PHACTR3: variants seen among roughly 807,000 people sequenced by gnomAD.
PHACTR3 encodes phosphatase and actin regulator 3.
In PHACTR3, 16 loss-of-function variants were observed where a neutral mutation model predicts 66.8. That is an observed-to-expected ratio of 0.24 (90% CI 0.16 to 0.36). The LOEUF is 0.36. PHACTR3 is among the 10% of genes least tolerant of loss of function. PHACTR3 has a pLI of 1.00. For synonymous variants in PHACTR3, 323 were observed against 292.1 expected (o/e 1.11, Z -1.08); for missense variants, 647 against 719.9 (o/e 0.90, Z 1.16).
chr20:59,601,615 G>A (rs1402619331), upstream of PHACTR3, among the ~76,000 whole-genome samples: 1 of 152,248 alleles, frequency 6.6e-6, no homozygotes, highest in East Asian at 1.9e-4. Flanking sequence ...GTCATGGTCT[G>A]GAGATGACCG....
intron 8 of PHACTR3, among the ~76,000 whole-genome samples, chr20:59,812,555 A>G (rs1357729172): frequency 6.6e-6 from 1 of 152,198 alleles, no homozygotes; most frequent in African/African-American, 2.4e-5. Context: ...AAATGTGGAG[A>G]CAGACAGTGT....
At chr20:59,833,392 G>A (rs1018088224) in intron 8 of PHACTR3, among the ~76,000 whole-genome samples, 1 of 152,328 alleles carries the variant, frequency 6.6e-6, no homozygotes, top group South Asian at 2.1e-4. Flanking sequence ...CATGGTCCGC[G>A]ATCAGCTGGC....
At chr20:59,677,613 A>G (rs1304026910) in intron 1 of PHACTR3, among the ~76,000 whole-genome samples, 1 of 152,096 alleles carries the variant, frequency 6.6e-6, no homozygotes, top group African/African-American at 2.4e-5. Flanking sequence ...CCCAGTGGAA[A>G]ATGGCGATTC....
intron 1 of PHACTR3, among the ~76,000 whole-genome samples, chr20:59,699,534 C>T (rs8118456): frequency 0.011 from 1,747 of 152,152 alleles, 39 homozygotes; most frequent in African/African-American, 0.04. Context: ...TTCTTTCTAC[C>T]CCCTTTCTCC....
At chr20:59,652,113 A>G (rs561885053) in intron 1 of PHACTR3, among the ~76,000 whole-genome samples, 1 of 152,286 alleles carries the variant, frequency 6.6e-6, no homozygotes, top group Non-Finnish European at 1.5e-5. Context: ...TAGCTCAAGC[A>G]GGCAGACAGG....
chr20:59,773,439 G>A lies in PHACTR3; in HGVS notation c.912G>A (p.Lys304=), dbSNP rs1229994653. ...IEELHRALAT[K]HRQDSFQGRE... is the part of the protein sequence containing the mutation. ...AGCTGCACAGGGCGCTGGCCACGAA[G>A]CACCGCCAGGACAGGTGAGGCCCTG... Residue 304 remains lysine (K), a synonymous_variant, in exon 6 of 13, where the codon AAG becomes AAA. Coordinates refer to ENST00000371015, the MANE Select transcript of PHACTR3 (RefSeq NM_080672.5). 6.2e-7 allele frequency: 1 copy of A among 1,611,102 alleles called. No homozygotes were observed. The highest frequency in any genetic ancestry group is 1.3e-5 in the African/African-American group (1 of 74,950).
At chr20:59,609,777 C>T (rs1174826230) in intron 1 of PHACTR3, among the ~76,000 whole-genome samples, 2 of 152,170 alleles carry the variant, frequency 1.3e-5, no homozygotes, top group African/African-American at 4.8e-5. Context: ...CCCTCTGGCT[C>T]CTTGTAGAGT....
intron 1 of PHACTR3, among the ~76,000 whole-genome samples, chr20:59,656,997 T>A (rs932833158): frequency 1.3e-5 from 2 of 152,060 alleles, no homozygotes; most frequent in Non-Finnish European, 2.9e-5. Flanking sequence ...AATACATTGT[T>A]ACAATTAATT....
At position 59,694,094 on chromosome 20, in the gene PHACTR3, T is replaced by G. The variant is rs138824552; in HGVS notation, c.119-49013T>G. ...ACATAGAGGGTGACTGGCCCTGTAT[T>G]TTATGTCATATGTGACTCTATAGAA... On this transcript the variant is annotated intron_variant, in intron 1 of 12. Transcript: ENST00000371015. Among the ~76,000 whole-genome samples the G allele has an allele frequency of 3.1e-4, 47 of 152,310 alleles. No homozygotes were observed. The East Asian group carries it at 9.1e-3, about 29-fold the overall frequency.
chr20:59,717,572 A>G (rs946067706), intron 1 of PHACTR3, among the ~76,000 whole-genome samples: 5 of 152,208 alleles, frequency 3.3e-5, no homozygotes, highest in African/African-American at 1.2e-4. Flanking sequence ...GAGGTGGAGC[A>G]ACTCGCTCAC....
intron 1 of PHACTR3, among the ~76,000 whole-genome samples, chr20:59,677,473 C>T (rs2036489531): frequency 6.6e-6 from 1 of 152,050 alleles, no homozygotes. Flanking sequence ...GAGTTGGGGC[C>T]CAAGAAGGCG....
intron 8 of PHACTR3, among the ~76,000 whole-genome samples, chr20:59,826,994 T>TCTCCTTCCCTCC (rs961872310): frequency 7.9e-5 from 12 of 152,100 alleles, no homozygotes; most frequent in South Asian, 4.2e-4. Context: ...CCCTCCCTTC[T>TCTCCTTCCCTCC]CTCCTTCCCT....
At position 59,682,411 on chromosome 20, in the gene PHACTR3, G is replaced by T. The variant is rs537017871; in HGVS notation, c.119-60696G>T. Reference sequence around the variant, plus strand: ...TCTTAATGGAACCAAAGTCTGCGGGGTCCCTAGAGTGTGTGCAAACTGTTC... The same window carrying T: ...TCTTAATGGAACCAAAGTCTGCGGGTTCCCTAGAGTGTGTGCAAACTGTTC... On this transcript the variant is annotated intron_variant, in intron 1 of 12. Coordinates refer to ENST00000371015, the MANE Select transcript of PHACTR3 (RefSeq NM_080672.5). Among the ~76,000 whole-genome samples, 5 of 152,324 alleles carry T rather than the reference G, an allele frequency of 3.3e-5. No homozygotes were observed. In the East Asian group the frequency reaches 9.6e-4, roughly 29 times the overall value.
chr20:59,829,969 C>T lies in PHACTR3; in HGVS notation c.1329-6536C>T, dbSNP rs556253794. ...GCTGGAACTATGCTTCTCCTGACCC[C>T]GTGTCCTTCCACTTCCTGAAATTAC... On this transcript the variant is annotated intron_variant, in intron 8 of 12. Coordinates refer to ENST00000371015, the MANE Select transcript of PHACTR3 (RefSeq NM_080672.5). The surrounding 1 kb of genome is among the most constrained non-coding windows in gnomAD (Gnocchi z 4.2). Among the ~76,000 whole-genome samples the T allele has an allele frequency of 7.9e-5, 12 of 152,306 alleles. No homozygotes were observed. The South Asian group carries it at 1.7e-3, about 21-fold the overall frequency.
At chr20:59,636,435 G>C (rs2034904900) in intron 1 of PHACTR3, among the ~76,000 whole-genome samples, 1 of 152,176 alleles carries the variant, frequency 6.6e-6, no homozygotes, top group Non-Finnish European at 1.5e-5. Context: ...CTCAAGTCCT[G>C]GTGGATGAGG....
intron 1 of PHACTR3, among the ~76,000 whole-genome samples, chr20:59,667,438 C>T (rs537094830): frequency 1.6e-4 from 24 of 152,324 alleles, no homozygotes; most frequent in African/African-American, 5.5e-4. Context: ...TCCCACTTGC[C>T]TTTTCATGCA....
chr20:59,764,902 G>A (rs2040130146), intron 4 of PHACTR3, among the ~76,000 whole-genome samples: 1 of 152,238 alleles, frequency 6.6e-6, no homozygotes, highest in South Asian at 2.1e-4. Flanking sequence ...GCTGGCTACT[G>A]AGAGCTCACC....
At chr20:59,726,305 G>A (rs1181317209) in intron 1 of PHACTR3, among the ~76,000 whole-genome samples, 1 of 152,084 alleles carries the variant, frequency 6.6e-6, no homozygotes, top group Non-Finnish European at 1.5e-5. Context: ...TTCTGCTAAG[G>A]GCTGGCCTGG....
At chr20:59,721,684 G>A (rs1251861636) in intron 1 of PHACTR3, among the ~76,000 whole-genome samples, 1 of 152,174 alleles carries the variant, frequency 6.6e-6, no homozygotes, top group Non-Finnish European at 1.5e-5. Flanking sequence ...TGAGTCGGGA[G>A]GCTGGAGAGT....
Sources: allele counts gnomAD v4.1 joint callset (sites outside exome capture counted in the v4.1 genomes callset), GRCh38; gene constraint gnomAD v4.1.1; non-coding constraint Gnocchi (gnomAD v3.1); transcripts MANE v1.5; gene names NCBI Gene and HGNC (gene_info 2026-07-23, HGNC 2026-07-21).